Variants in S1PR2 observed in about 807,000 individuals in gnomAD.
S1PR2 encodes sphingosine 1-phosphate receptor 2.
Under a neutral mutation model 16.1 loss-of-function variants are expected in S1PR2, and 9 were observed. The observed-to-expected ratio is 0.56, with a 90% CI of 0.34 to 0.98. S1PR2 has a LOEUF of 0.98. S1PR2 is among the 50% of genes least tolerant of loss of function. The pLI is 0.02. For synonymous variants in S1PR2, 224 were observed against 233.9 expected (o/e 0.96, Z 0.38); for missense variants, 361 against 488.4 (o/e 0.74, Z 2.46).
At chr19:10,228,570 C>T (rs1348620439) in intron 1 of S1PR2, among the ~76,000 whole-genome samples, 1 of 152,138 alleles carries the variant, frequency 6.6e-6, no homozygotes, top group Non-Finnish European at 1.5e-5. Flanking sequence ...GCGGTTGACG[C>T]CTCCCAGAAA....
At chr19:10,228,418 T>G (rs2039649806) in intron 1 of S1PR2, among the ~76,000 whole-genome samples, 1 of 152,180 alleles carries the variant, frequency 6.6e-6, no homozygotes, top group Non-Finnish European at 1.5e-5. Flanking sequence ...CTGGGGGTGC[T>G]GCACTCTCAC....
Position 10,224,848 on chromosome 19 carries a change from A to T in S1PR2, c.58T>A (p.Tyr20Asn), listed in dbSNP as rs556142679. The T allele has an allele frequency of 6.2e-7, 1 of 1,614,032 alleles. No homozygotes were observed. Among genetic ancestry groups the T allele is most frequent in the Admixed American group, 1.7e-5 (1 of 60,000 alleles). Residue 20 changes from tyrosine (Y) to asparagine (N), a missense_variant, in exon 2 of 2, where the codon TAT becomes AAT. Physicochemically the swap from Tyr to Asn is moderately radical, Grantham distance 143. Transcript: ENST00000646641. Reference sequence around the variant, plus strand: ...TGCGTTTCCAGCGTCTCCTTGGTATAATTATAGTGTTCCTGGACCTTGTTG... The same window carrying T: ...TGCGTTTCCAGCGTCTCCTTGGTATTATTATAGTGTTCCTGGACCTTGTTG... The part of the protein sequence containing the change: ...NPNKVQEHYN[Y>N]TKETLETQET...
Position 10,224,727 on chromosome 19 carries a change from C to T in S1PR2, c.179G>A (p.Arg60Gln), listed in dbSNP as rs3745268. Residue 60 changes from arginine (R) to glutamine (Q), a missense_variant, in exon 2 of 2, where the codon CGA (arginine) becomes CAA (glutamine). By Grantham distance (43) the Arg-to-Gln change is conservative. Coordinates refer to ENST00000646641, the MANE Select transcript of S1PR2 (RefSeq NM_004230.4). ...CATTGCCGAGTGGAACTTGCTGTTTCGGGCCACCGCAATGAGCACCAGAAG... is the reference window on the plus strand; with the variant it reads ...CATTGCCGAGTGGAACTTGCTGTTTTGGGCCACCGCAATGAGCACCAGAAG... Reference protein sequence around the residue: ...ENLLVLIAVARNSKFHSAMYL... With the variant: ...ENLLVLIAVAQNSKFHSAMYL... The T allele has an allele frequency of 2.2e-4, 350 of 1,614,246 alleles. 1 individual carries two copies. The East Asian group carries it at 6.6e-3, about 31-fold the overall frequency.
intron 1 of S1PR2, among the ~76,000 whole-genome samples, chr19:10,227,638 T>C (rs1645202811): frequency 6.6e-6 from 1 of 152,236 alleles, no homozygotes; most frequent in Non-Finnish European, 1.5e-5. Flanking sequence ...ATTGGCTCAT[T>C]TTCAATCCAA....
At chr19:10,230,304 CCCACGTCT>C (rs1292706921) in intron 1 of S1PR2, 5 of 153,484 alleles carry the variant, frequency 3.3e-5, no homozygotes, top group African/African-American at 1.2e-4. Flanking sequence ...GCGCGGGGCC[CCCACGTCT>C]CCAAGCGGCA....
At chr19:10,225,560 C>G (rs1038260100) in intron 1 of S1PR2, among the ~76,000 whole-genome samples, 1 of 151,602 alleles carries the variant, frequency 6.6e-6, no homozygotes, top group African/African-American at 2.4e-5. Context: ...CCAGGCCCAG[C>G]TAATTTTTTT....
rs1327804868 is a variant in S1PR2, at chr19:10,224,073, G to A, written c.833C>T (p.Thr278Ile). ...GACGGGGTTGAGCAGGGAATTCAGGGTGGAGACGGCGAAAAAGTAGTGGGC... is the reference window on the plus strand; with the variant it reads ...GACGGGGTTGAGCAGGGAATTCAGGATGGAGACGGCGAAAAAGTAGTGGGC... ...YKAHYFFAVS[T>I]LNSLLNPVIY... Residue 278 changes from threonine to isoleucine, a missense_variant, in exon 2 of 2, where the codon ACC (threonine) becomes ATC (isoleucine). By Grantham distance (89) the Thr-to-Ile change is moderately conservative. Coordinates refer to ENST00000646641, the MANE Select transcript of S1PR2 (RefSeq NM_004230.4). 1.9e-6 allele frequency: 3 copies of A among 1,603,872 alleles called. No individual in the cohort carries two copies. The highest frequency in any genetic ancestry group is 3.4e-5 in the Admixed American group (2 of 59,584).
At chr19:10,231,028 G>A (rs112385110) in intron 1 of S1PR2, among the ~76,000 whole-genome samples, 176 bp downstream of exon 1, 1 of 152,380 alleles carries the variant, frequency 6.6e-6, no homozygotes, top group Non-Finnish European at 1.5e-5. Context: ...GGCCGAGGCA[G>A]TGGGGGCCGC....
In S1PR2 at chr19:10,224,817, G is replaced by A. The variant is rs1248351586; in HGVS notation, c.89C>T (p.Thr30Met). The change falls in exon 2 of 2, where the codon ACG (threonine) becomes ATG (methionine). Residue 30 changes from threonine (T) to methionine (M), a missense_variant. Physicochemically the swap from Thr to Met is moderately conservative, Grantham distance 81. Coordinates refer to ENST00000646641, the MANE Select transcript of S1PR2 (RefSeq NM_004230.4). ...GGCCGAGGCCACCTGGCGGGAGGTCGTCTCCTGCGTTTCCAGCGTCTCCTT... is the reference window on the plus strand; with the variant it reads ...GGCCGAGGCCACCTGGCGGGAGGTCATCTCCTGCGTTTCCAGCGTCTCCTT... ...YTKETLETQE[T>M]TSRQVASAFI... 18 of 1,614,212 alleles carry A rather than the reference G, an allele frequency of 1.1e-5. No individual in the cohort carries two copies. Among genetic ancestry groups the A allele is most frequent in the Non-Finnish European group, 1.5e-5 (18 of 1,180,038 alleles).
At chr19:10,227,292 GCC>G (rs1390256845) in intron 1 of S1PR2, among the ~76,000 whole-genome samples, 2 of 152,108 alleles carry the variant, frequency 1.3e-5, no homozygotes, top group South Asian at 4.1e-4. Context: ...GTTCTCCTGA[GCC>G]CAGGAGTGAT....
Position 10,224,126 on chromosome 19 carries a change from G to A in S1PR2, c.780C>T (p.Pro260=), listed in dbSNP as rs776554535. The A allele has an allele frequency of 6.0e-5, 96 of 1,604,730 alleles. No homozygotes were observed. The highest frequency in any genetic ancestry group is 3.1e-4 in the East Asian group (14 of 44,894). Residue 260 remains proline (P), a synonymous_variant, in exon 2 of 2, where the codon CCC becomes CCT. Coordinates refer to ENST00000646641, the MANE Select transcript of S1PR2 (RefSeq NM_004230.4). ...TGTAGAGGATCGGGCAGGAGTGGAC[G>A]GGACAGGCATAGTCCAGAAGGAGGA... The part of the protein sequence containing the change: ...FSILLLDYAC[P]VHSCPILYKA...
intron 1 of S1PR2, among the ~76,000 whole-genome samples, chr19:10,225,817 G>A (rs1271346189): frequency 2.0e-5 from 3 of 151,878 alleles, no homozygotes; most frequent in African/African-American, 7.3e-5. Flanking sequence ...TTACAGGTAT[G>A]AACCATGACA....
At position 10,224,438 on chromosome 19, in the gene S1PR2, C is replaced by A; in HGVS notation, c.468G>T (p.Trp156Cys). 1 of 1,613,452 alleles carries A rather than the reference C, an allele frequency of 6.2e-7. No homozygotes were observed. Among genetic ancestry groups the A allele is most frequent in the Non-Finnish European group, 8.5e-7 (1 of 1,179,884 alleles). Residue 156 changes from tryptophan to cysteine, a missense_variant, in exon 2 of 2, where the codon TGG (tryptophan) becomes TGT (cysteine). Transcript: ENST00000646641. ...CRMLLLIGAS[W>C]LISLVLGGLP... ...GGCCACCGAGGACCAGCGAGATGAG[C>A]CACGAGGCCCCGATGAGCAGAAGCA...
Position 10,224,760 on chromosome 19 carries a change from A to G in S1PR2, c.146T>C (p.Val49Ala). 1.2e-6 allele frequency: 2 copies of G among 1,614,260 alleles called. No homozygotes were observed. The highest frequency in any genetic ancestry group is 1.7e-5 in the Admixed American group (1 of 60,026). The change falls in exon 2 of 2, where the codon GTG (valine) becomes GCG (alanine). Residue 49 changes from valine to alanine, a missense_variant. Val to Ala is a moderately conservative substitution (Grantham distance 64). Coordinates refer to ENST00000646641, the MANE Select transcript of S1PR2 (RefSeq NM_004230.4). Reference protein sequence around the residue: ...FIVILCCAIVVENLLVLIAVA... With the variant: ...FIVILCCAIVAENLLVLIAVA... ...CGCAATGAGCACCAGAAGGTTTTCC[A>G]CCACAATGGCGCAACAGAGGATGAC...
chr19:10,228,237 G>A (rs1017938348), intron 1 of S1PR2, among the ~76,000 whole-genome samples: 2 of 151,988 alleles, frequency 1.3e-5, no homozygotes, highest in Non-Finnish European at 2.9e-5. Flanking sequence ...GCTTGAACCC[G>A]GGAGGCAGAG....
intron 1 of S1PR2, among the ~76,000 whole-genome samples, chr19:10,228,706 C>G (rs899721284): frequency 6.6e-6 from 1 of 152,154 alleles, no homozygotes; most frequent in South Asian, 2.1e-4. Flanking sequence ...GAGCCTGTCT[C>G]CCGGTCACCT....
At chr19:10,228,877 G>A (rs2039652124) in intron 1 of S1PR2, among the ~76,000 whole-genome samples, 1 of 152,190 alleles carries the variant, frequency 6.6e-6, no homozygotes, top group Non-Finnish European at 1.5e-5. Flanking sequence ...GAGATTAGGA[G>A]AGGGGAAGGA....
At chr19:10,229,995 A>T (rs1599238412) in intron 1 of S1PR2, among the ~76,000 whole-genome samples, 1 of 152,240 alleles carries the variant, frequency 6.6e-6, no homozygotes, top group East Asian at 1.9e-4. Context: ...GAATGAATGA[A>T]TGAACCAATG....
chr19:10,230,210 A>G (rs2039662451), intron 1 of S1PR2, among the ~76,000 whole-genome samples: 1 of 152,290 alleles, frequency 6.6e-6, no homozygotes, highest in African/African-American at 2.4e-5. Context: ...CGGCCTCCTT[A>G]TCTGGTTTAG....
Sources: gnomAD v4.1 joint callset for allele counts (sites outside exome capture counted in the v4.1 genomes callset) on GRCh38, gnomAD v4.1.1 for gene constraint, MANE v1.5 for transcripts, NCBI Gene and HGNC (gene_info 2026-07-23, HGNC 2026-07-21) for gene names.